KIAA1328: variants seen among roughly 807,000 people sequenced by gnomAD.
KIAA1328 encodes the protein KIAA1328, also known as protein hinderin.
A neutral mutation model predicts 68.1 loss-of-function variants in KIAA1328; 52 were observed. That is an observed-to-expected ratio of 0.76 (90% confidence interval 0.61 to 0.96). KIAA1328 has a LOEUF of 0.96. KIAA1328 is among the 40% of genes least tolerant of loss of function. The pLI is 0.00. For missense variants in KIAA1328, 641 were observed against 677.6 expected (o/e 0.95, Z 0.60); for synonymous variants, 232 against 239.4 (o/e 0.97, Z 0.28).
intron 8 of KIAA1328, 85 bp from the exon 9 acceptor site, chr18:37,172,888 A>C: frequency 1.0e-6 from 1 of 963,108 alleles, no homozygotes; most frequent in Non-Finnish European, 1.6e-6. Context: ...GGACATTCCT[A>C]TAATGTCTTA....
intron 5 of KIAA1328, among the ~76,000 whole-genome samples, chr18:36,913,522 A>ACACT (rs1330112677): frequency 1.2e-5 from 1 of 82,104 alleles, no homozygotes; most frequent in African/African-American, 3.7e-5. Flanking sequence ...ACACACACAC[A>ACACT]CTTAGAGGAA....
chr18:37,205,015 C>T (rs1382746769), intron 9 of KIAA1328, among the ~76,000 whole-genome samples: 1 of 152,012 alleles, frequency 6.6e-6, no homozygotes, highest in African/African-American at 2.4e-5. Context: ...TCAAGAGACT[C>T]AACAAAACCA....
At chr18:37,180,519 TGATA>T (rs1423778533) in intron 9 of KIAA1328, among the ~76,000 whole-genome samples, 4 of 152,162 alleles carry the variant, frequency 2.6e-5, no homozygotes, top group Non-Finnish European at 5.9e-5. Context: ...TTTTATAACT[TGATA>T]GAAAGAAACT....
chr18:37,159,000 A>G (rs1158612528), intron 7 of KIAA1328, among the ~76,000 whole-genome samples: 2 of 152,058 alleles, frequency 1.3e-5, no homozygotes, highest in African/African-American at 4.8e-5. Flanking sequence ...ACCCTAAGTT[A>G]TACATCTTCT....
intron 4 of KIAA1328, among the ~76,000 whole-genome samples, chr18:36,854,654 T>A (rs1335031541): frequency 3.3e-5 from 5 of 152,200 alleles, no homozygotes; most frequent in African/African-American, 1.2e-4. Flanking sequence ...CACCTTTTTT[T>A]AAATTTTGAG....
chr18:36,985,248 C>G (rs2052868559), intron 6 of KIAA1328, among the ~76,000 whole-genome samples: 1 of 152,118 alleles, frequency 6.6e-6, no homozygotes, highest in Admixed American at 6.6e-5. Flanking sequence ...TACAGTGAGC[C>G]AGGATCACAC....
At position 37,214,160 on chromosome 18, in the gene KIAA1328, C is replaced by T. The variant is rs2060376834; in HGVS notation, c.1524-7857C>T. 2.6e-5 allele frequency among the ~76,000 whole-genome samples: 4 copies of T among 152,124 alleles called. No individual in the cohort carries two copies. The South Asian group carries it at 8.3e-4, about 32-fold the overall frequency. ...CAGAAGCTCTTCAGTTTAATTAGAT[C>T]CCATTTGTCTATTTTGGCTTTTGTT... On this transcript the variant is annotated intron_variant, in intron 9 of 9. Coordinates refer to ENST00000280020, the MANE Select transcript of KIAA1328 (RefSeq NM_020776.3).
intron 4 of KIAA1328, among the ~76,000 whole-genome samples, chr18:36,875,083 A>G (rs2048075067): frequency 6.6e-6 from 1 of 152,178 alleles, no homozygotes; most frequent in South Asian, 2.1e-4. Flanking sequence ...GCCTTGTAGT[A>G]TAGTTTGAAG....
intron 6 of KIAA1328, among the ~76,000 whole-genome samples, chr18:37,031,754 T>C (rs898400466): frequency 3.0e-4 from 46 of 152,332 alleles, no homozygotes; most frequent in African/African-American, 1.0e-3. Flanking sequence ...TATTTAGGGT[T>C]TTTTTAACCT....
At chr18:37,096,481 TG>T (rs1442384341) in intron 7 of KIAA1328, among the ~76,000 whole-genome samples, 1 of 152,252 alleles carries the variant, frequency 6.6e-6, no homozygotes, top group Non-Finnish European at 1.5e-5. Context: ...CTATCATTGT[TG>T]GACATTTGGA....
intron 5 of KIAA1328, among the ~76,000 whole-genome samples, chr18:36,925,234 T>C (rs1470791739): frequency 6.6e-6 from 1 of 152,132 alleles, no homozygotes; most frequent in Non-Finnish European, 1.5e-5. Context: ...GGGAGGATTT[T>C]AGGTAAAAAC....
At chr18:37,199,454 TC>T (rs772408984) in intron 9 of KIAA1328, among the ~76,000 whole-genome samples, 38 of 152,230 alleles carry the variant, frequency 2.5e-4, no homozygotes, top group Non-Finnish European at 5.1e-4. Flanking sequence ...TGCATAGTAT[TC>T]CATGGTGTTT....
intron 6 of KIAA1328, among the ~76,000 whole-genome samples, chr18:37,004,513 A>G (rs2053705418): frequency 1.3e-5 from 2 of 152,114 alleles, no homozygotes; most frequent in Non-Finnish European, 2.9e-5. Flanking sequence ...AAAATGTTCA[A>G]CATCACTAAT....
intron 9 of KIAA1328, among the ~76,000 whole-genome samples, chr18:37,216,987 TTTG>T (rs201462746): frequency 7.3e-5 from 9 of 123,400 alleles, no homozygotes; most frequent in African/African-American, 1.8e-4. Flanking sequence ...TTGTTTTTTT[TTTG>T]TTTGTTTTTT....
At chr18:36,898,265 A>G (rs571322945) in intron 5 of KIAA1328, among the ~76,000 whole-genome samples, 4 of 152,074 alleles carry the variant, frequency 2.6e-5, no homozygotes, top group African/African-American at 9.6e-5. Context: ...GTTGCCTGAA[A>G]AGTAACTAGC....
At position 37,099,625 on chromosome 18, in the gene KIAA1328, A is replaced by G. The variant is rs545292654; in HGVS notation, c.1232+32080A>G. ...GCAGAGCTGAGTTCAATTCCTGGGT[A>G]TCCTTGTTAACTTTCTGTCTCGTTG... On this transcript the variant is annotated intron_variant, in intron 7 of 9. Coordinates refer to ENST00000280020, the MANE Select transcript of KIAA1328 (RefSeq NM_020776.3). 8.6e-4 allele frequency among the ~76,000 whole-genome samples: 131 copies of G among 152,170 alleles called. 1 individual carries two copies. Among genetic ancestry groups the G allele is most frequent in the East Asian group, 3.9e-4 (2 of 5,170 alleles).
chr18:37,173,127 G>A (rs755435020), intron 9 of KIAA1328, 46 bp downstream of exon 9: 7 of 1,369,946 alleles, frequency 5.1e-6, no homozygotes, highest in Non-Finnish European at 4.1e-6. Flanking sequence ...CCCTATGAGA[G>A]CATTTTTTTG....
chr18:36,830,394 T>C (rs1042436223), intron 1 of KIAA1328, among the ~76,000 whole-genome samples: 2 of 152,244 alleles, frequency 1.3e-5, no homozygotes, highest in Admixed American at 1.3e-4. Context: ...TTTTTTCCTT[T>C]ACCTTTCAGA....
intron 3 of KIAA1328, among the ~76,000 whole-genome samples, chr18:36,841,126 C>G (rs946297665): frequency 1.3e-5 from 2 of 152,120 alleles, no homozygotes; most frequent in Admixed American, 6.5e-5. Context: ...TAGCTCAGTT[C>G]TAGTGTCTCT....
Sources: gnomAD v4.1 joint callset for allele counts (sites outside exome capture counted in the v4.1 genomes callset) on GRCh38, gnomAD v4.1.1 for gene constraint, MANE v1.5 for transcripts, NCBI Gene and HGNC (gene_info 2026-07-23, HGNC 2026-07-21) for gene names.